Variants in PIGB observed in about 807,000 individuals in gnomAD.
PIGB encodes the protein phosphatidylinositol glycan anchor biosynthesis class B.
A neutral mutation model predicts 68.4 loss-of-function variants in PIGB; 58 were observed. The ratio of observed to expected loss-of-function variants is 0.85; its 90% CI spans 0.69 to 1.06. The LOEUF is 1.06. Ranked by LOEUF, PIGB falls within the 50% of genes least tolerant of loss-of-function variation. PIGB has a pLI of 0.00. For synonymous variants in PIGB, 219 were observed against 220.5 expected (o/e 0.99, Z 0.06); for missense variants, 634 against 655.8 (o/e 0.97, Z 0.36).
intron 5 of PIGB, among the ~76,000 whole-genome samples, chr15:55,332,654 T>G (rs1457671184): frequency 6.6e-6 from 1 of 152,228 alleles, no homozygotes; most frequent in Non-Finnish European, 1.5e-5. Flanking sequence ...ATTGCAGGCC[T>G]GAGCCACCAC....
chr15:55,330,421 G>A (rs2055387252), intron 5 of PIGB, among the ~76,000 whole-genome samples: 1 of 152,192 alleles, frequency 6.6e-6, no homozygotes. Context: ...GGGCAAATAG[G>A]AAATACTTGG....
intron 4 of PIGB, among the ~76,000 whole-genome samples, chr15:55,328,427 A>G (rs1480303852): frequency 7.2e-5 from 11 of 152,222 alleles, no homozygotes; most frequent in Non-Finnish European, 1.6e-4. Context: ...CTAAATTCCA[A>G]GTAACCAATT....
At chr15:55,321,207 T>TAAAAA in intron 2 of PIGB, 66 bp from the exon 3 acceptor site, 1 of 1,154,510 alleles carries the variant, frequency 8.7e-7, no homozygotes, top group Non-Finnish European at 1.2e-6. Flanking sequence ...GACCCCATCT[T>TAAAAA]AAAAAAAAAA....
intron 11 of PIGB, 140 bp from the exon 12 acceptor site, chr15:55,355,146 G>GT: frequency 1.1e-6 from 1 of 874,142 alleles, no homozygotes; most frequent in Non-Finnish European, 1.7e-6. Flanking sequence ...AACTATCAAA[G>GT]TATTTTACTT....
chr15:55,352,094 A>G (rs1483488154), intron 10 of PIGB, among the ~76,000 whole-genome samples: 3 of 151,402 alleles, frequency 2.0e-5, no homozygotes, highest in African/African-American at 7.3e-5. Flanking sequence ...GATTACAGGA[A>G]TGTGCCACCA....
At chr15:55,344,341 A>T (rs1208981356) in intron 9 of PIGB, among the ~76,000 whole-genome samples, 3 of 152,190 alleles carry the variant, frequency 2.0e-5, no homozygotes, top group Non-Finnish European at 2.9e-5. Flanking sequence ...TCTTCCTCCA[A>T]CAGGCCAGCT....
intron 4 of PIGB, among the ~76,000 whole-genome samples, chr15:55,329,470 A>G (rs1164028174): frequency 6.6e-6 from 1 of 152,238 alleles, no homozygotes; most frequent in Non-Finnish European, 1.5e-5. Context: ...TTTTAAATCA[A>G]ATGAAGTGCC....
intron 2 of PIGB, among the ~76,000 whole-genome samples, chr15:55,320,835 C>T (rs540194040): frequency 5.9e-5 from 9 of 152,044 alleles, no homozygotes; most frequent in Admixed American, 2.0e-4. Flanking sequence ...CCGTATTTTC[C>T]CCAAATAATT....
intron 9 of PIGB, among the ~76,000 whole-genome samples, chr15:55,345,708 G>T (rs60146363): frequency 0.05 from 7,581 of 152,154 alleles, 646 homozygotes; most frequent in African/African-American, 0.18. Context: ...GCATTGAGCC[G>T]AGATCGGCAC....
At chr15:55,341,102 CT>C (rs1199998211) in intron 8 of PIGB, among the ~76,000 whole-genome samples, 3 of 151,712 alleles carry the variant, frequency 2.0e-5, no homozygotes, top group Admixed American at 6.6e-5. Context: ...TTGCTCATGC[CT>C]GTAATTTCAA....
chr15:55,320,966 A>G (rs1300259577), intron 2 of PIGB, among the ~76,000 whole-genome samples: 2 of 152,224 alleles, frequency 1.3e-5, no homozygotes, highest in Non-Finnish European at 2.9e-5. Flanking sequence ...CTTGGAGGAT[A>G]CAGAGAAAGT....
chr15:55,334,064 G>C, intron 6 of PIGB, 57 bp downstream of exon 6: 3 of 1,293,424 alleles, frequency 2.3e-6, no homozygotes, highest in Non-Finnish European at 3.1e-6. Context: ...CACAGATTAC[G>C]AACAAGATTT....
In PIGB at chr15:55,327,610, A is replaced by G. The variant is rs572451239; in HGVS notation, c.497A>G (p.Glu166Gly). 314 of 1,610,404 alleles carry G rather than the reference A, an allele frequency of 1.9e-4. 2 individuals are homozygous for G. In the East Asian group the frequency reaches 6.3e-3, roughly 32 times the overall value. ...CTTTACTCATTAATGAAGCAACTAG[A>G]AAATCAGGAAGTGGCAAGATGGGTG... ...VRLYSLMKQL[E>G]NQEVARWVFF... The change falls in exon 4 of 12, where the codon GAA becomes GGA. Residue 166 changes from glutamate to glycine, a missense_variant. Glu to Gly is a moderately conservative substitution (Grantham distance 98). Transcript: ENST00000164305.
chr15:55,341,064 A>T (rs1566955376), intron 8 of PIGB, among the ~76,000 whole-genome samples: 2 of 66,872 alleles, frequency 3.0e-5, no homozygotes, highest in South Asian at 4.5e-4. Context: ...TATTTGCTTT[A>T]AAAAAAAAAA....
rs1368141399 is a variant in PIGB at position 55,350,932 on chromosome 15, T to C, written c.1337+20T>C. The C allele has an allele frequency of 6.3e-6, 8 of 1,273,756 alleles. No individual in the cohort carries two copies. Among genetic ancestry groups the C allele is most frequent in the Non-Finnish European group, 9.0e-6 (8 of 891,802 alleles). 78.9% of individuals were successfully genotyped at this position (1,273,756 alleles called of 1,614,324 possible). A position where few individuals can be genotyped will look rare whatever the true frequency, so the allele number is the denominator to read the frequency against. Reference sequence around the variant, plus strand: ...TTACAGGTAATAAAAGATGTTCCACTATATGCTGTTAAGAAACTGAAACTG... The same window carrying C: ...TTACAGGTAATAAAAGATGTTCCACCATATGCTGTTAAGAAACTGAAACTG... On this transcript the variant is annotated intron_variant, in intron 10 of 11. Coordinates refer to ENST00000164305, the MANE Select transcript of PIGB (RefSeq NM_004855.5).
In PIGB at chr15:55,329,839, C is replaced by G. The variant is rs2055374224; in HGVS notation, c.638C>G (p.Ser213Ter). The change falls in exon 5 of 12, where the codon TCA becomes TGA. Residue 213 changes from serine to a stop codon, truncating the protein, a stop_gained. Coordinates refer to ENST00000164305, the MANE Select transcript of PIGB (RefSeq NM_004855.5). LOFTEE classifies it high-confidence loss of function. ...CTTTTCTACTATCCTTTGGAAGGTTCAAAGTCTATGAACAGGTAAGAAAAA... is the reference window on the plus strand; with the variant it reads ...CTTTTCTACTATCCTTTGGAAGGTTGAAAGTCTATGAACAGGTAAGAAAAA... ...IALFYYPLEG[S>*]KSMNSVKYSS... is the part of the protein sequence containing the mutation. 1.3e-6 allele frequency: 2 copies of G among 1,590,612 alleles called. No homozygotes were observed. The highest frequency in any genetic ancestry group is 2.7e-5 in the African/African-American group (2 of 74,276).
chr15:55,334,325 T>A (rs1220624481), intron 6 of PIGB, among the ~76,000 whole-genome samples: 1 of 152,246 alleles, frequency 6.6e-6, no homozygotes, highest in Non-Finnish European at 1.5e-5. Context: ...TAATTCATAA[T>A]GTGTTTTCAC....
intron 6 of PIGB, among the ~76,000 whole-genome samples, chr15:55,335,647 T>G (rs1310714244): frequency 6.6e-6 from 1 of 152,082 alleles, no homozygotes; most frequent in Non-Finnish European, 1.5e-5. Context: ...AATAGGGTAG[T>G]TGGGAAAGAT....
intron 9 of PIGB, among the ~76,000 whole-genome samples, chr15:55,344,448 C>T (rs1566956925): frequency 6.6e-6 from 1 of 152,240 alleles, no homozygotes; most frequent in African/African-American, 2.4e-5. Flanking sequence ...ACTGTCACTT[C>T]CACCACATTC....
Sources: allele counts gnomAD v4.1 joint callset (sites outside exome capture counted in the v4.1 genomes callset), GRCh38; gene constraint gnomAD v4.1.1; transcripts MANE v1.5; gene names NCBI Gene and HGNC (gene_info 2026-07-23, HGNC 2026-07-21).